The following FAM24B variants were observed in gnomAD, a reference collection of about 807,000 sequenced individuals.
FAM24B encodes family with sequence similarity 24 member B, also known as protein FAM24B.
Under a neutral mutation model 2.3 loss-of-function variants are expected in FAM24B, and 3 were observed. The ratio of observed to expected loss-of-function variants is 1.29; its 90% CI spans 0.59 to 3.32. FAM24B has a LOEUF of 3.32. Among genes scored for constraint, FAM24B ranks in the 30% most tolerant of loss-of-function variants. The pLI, the probability that FAM24B is intolerant of heterozygous loss-of-function variation, is 0.03. For synonymous variants in FAM24B, 36 were observed against 46.3 expected (o/e 0.78, Z 0.90); for missense variants, 98 against 117.2 (o/e 0.84, Z 0.76).
chr10:122,854,656 CTTAAGAGT>C (rs1399180877), intron 2 of FAM24B, among the ~76,000 whole-genome samples: 2 of 152,186 alleles, frequency 1.3e-5, no homozygotes, highest in Non-Finnish European at 2.9e-5. Flanking sequence ...GTGGTGACTG[CTTAAGAGT>C]ATTGAGAGGG....
intron 2 of FAM24B, chr10:122,855,234 T>G (rs999964786): frequency 4.6e-5 from 7 of 152,272 alleles, no homozygotes; most frequent in Admixed American, 1.3e-4. Flanking sequence ...AGTTTCTGTG[T>G]CTTTGTAAAA....
intron 2 of FAM24B, among the ~76,000 whole-genome samples, chr10:122,853,174 A>G (rs1847571679): frequency 6.6e-6 from 1 of 152,166 alleles, no homozygotes. Context: ...AGAATAAGAA[A>G]AAGTATCTCT....
chr10:122,851,379 A>C (rs1381504290), intron 2 of FAM24B, among the ~76,000 whole-genome samples: 2 of 152,268 alleles, frequency 1.3e-5, no homozygotes, highest in Non-Finnish European at 2.9e-5. Context: ...CCAAAGTTGA[A>C]GAGCTTGCTT....
rs1307398645 is a variant in FAM24B at position 122,849,106 on chromosome 10, G to A, written c.*141C>T. On this transcript the variant is annotated 3_prime_UTR_variant, in exon 4 of 4. Transcript: ENST00000368898. ...GCAGCAAAGAGGATTATTTTTAATAGTGTACATTTATTCAAAAGTATATAA... is the reference window on the plus strand; with the variant it reads ...GCAGCAAAGAGGATTATTTTTAATAATGTACATTTATTCAAAAGTATATAA... The A allele has an allele frequency of 7.6e-6, 4 of 526,942 alleles. No individual in the cohort carries two copies. The highest frequency in any genetic ancestry group is 5.9e-5 in the African/African-American group (3 of 50,742). The allele number at this position is 526,942 out of a possible 1,614,324, so 32.6% of individuals were successfully genotyped here.
chr10:122,864,205 C>A (rs948680173), intron 1 of FAM24B, among the ~76,000 whole-genome samples: 2 of 152,096 alleles, frequency 1.3e-5, no homozygotes, highest in African/African-American at 4.8e-5. Context: ...ACAAGAAAGC[C>A]AAATAGGAAT....
At chr10:122,876,064 A>G (rs1354972925) in intron 1 of FAM24B, among the ~76,000 whole-genome samples, 1 of 152,230 alleles carries the variant, frequency 6.6e-6, no homozygotes, top group Non-Finnish European at 1.5e-5. Context: ...ACCCAAAATC[A>G]AAGGTCCAAC....
rs112471712 is a variant in FAM24B at position 122,850,473 on chromosome 10, G to A, written c.43C>T (p.Leu15=). The A allele has an allele frequency of 9.4e-5, 152 of 1,614,062 alleles. 1 individual carries two copies. In the African/African-American group the frequency reaches 1.5e-3, roughly 16 times the overall value. The stretch of plus-strand genomic sequence containing the variant: ...TAAAGACAGAGCACGACAACTATCA[G>A]CAGGAGCAAGGCCGCCAGGATACCA... ...AGGILAALLL[L]IVVVLCLYFK... is the part of the protein sequence containing the mutation. The change falls in exon 3 of 4, where the codon CTG becomes TTG. Residue 15 remains leucine (L), a synonymous_variant. Transcript: ENST00000368898.
At chr10:122,856,125 C>A (rs571317523) in intron 1 of FAM24B, among the ~76,000 whole-genome samples, 2 of 152,284 alleles carry the variant, frequency 1.3e-5, no homozygotes, top group Admixed American at 1.3e-4. Flanking sequence ...AAAGAATGCC[C>A]CTGCTGAAGC....
At chr10:122,860,471 A>G (rs1371953838) in intron 1 of FAM24B, among the ~76,000 whole-genome samples, 1 of 152,246 alleles carries the variant, frequency 6.6e-6, no homozygotes, top group Non-Finnish European at 1.5e-5. Flanking sequence ...AAAAGCTGCT[A>G]TAATACATCC....
chr10:122,851,784 G>A (rs1847542398), intron 2 of FAM24B, among the ~76,000 whole-genome samples: 2 of 152,054 alleles, frequency 1.3e-5, no homozygotes, highest in South Asian at 4.1e-4. Context: ...CCCAGACATT[G>A]GCCCTACTAG....
intron 3 of FAM24B, among the ~76,000 whole-genome samples, chr10:122,849,751 G>A (rs1847495781): frequency 6.6e-6 from 1 of 151,634 alleles, no homozygotes; most frequent in South Asian, 2.1e-4. Flanking sequence ...TGTGTCCCAG[G>A]CTCCGGGATG....
rs769235090 is a variant in FAM24B, at chr10:122,850,531, G to C, written c.-16C>G. ...TGACAGGCATAATCACTGTATGGAG[G>C]TCAAAAGACTTCGATGTACCTAGGC... On this transcript the variant is annotated 5_prime_UTR_variant, in exon 3 of 4. Transcript: ENST00000368898. The C allele has an allele frequency of 6.3e-7, 1 of 1,588,324 alleles. No individual in the cohort carries two copies. The highest frequency in any genetic ancestry group is 1.3e-5 in the African/African-American group (1 of 74,392).
chr10:122,857,186 T>G (rs1422514951), intron 1 of FAM24B, among the ~76,000 whole-genome samples: 2 of 152,192 alleles, frequency 1.3e-5, no homozygotes, highest in Non-Finnish European at 2.9e-5. Flanking sequence ...TAAGGTCAGA[T>G]CTACCCAGAT....
At chr10:122,859,876 G>A (rs1244944342) in intron 1 of FAM24B, among the ~76,000 whole-genome samples, 1 of 152,066 alleles carries the variant, frequency 6.6e-6, no homozygotes, top group African/African-American at 2.4e-5. Context: ...ATATTGACTA[G>A]TCACTGGATG....
intron 1 of FAM24B, among the ~76,000 whole-genome samples, chr10:122,869,698 G>A (rs924650398): frequency 7.9e-5 from 12 of 152,072 alleles, no homozygotes; most frequent in South Asian, 2.1e-4. Flanking sequence ...GGTACATAAC[G>A]AAATGAAGGC....
At chr10:122,851,502 T>C (rs1231007173) in intron 2 of FAM24B, among the ~76,000 whole-genome samples, 1 of 152,234 alleles carries the variant, frequency 6.6e-6, no homozygotes, top group Non-Finnish European at 1.5e-5. Context: ...ACACCAGCTC[T>C]CTTTCATGGA....
chr10:122,850,309 G>T, intron 3 of FAM24B, 115 bp downstream of exon 3: 1 of 823,538 alleles, frequency 1.2e-6, no homozygotes. Flanking sequence ...GGCCACAGCA[G>T]CAAGGAATGA....
At chr10:122,876,979 T>C (rs1847984970) in intron 1 of FAM24B, among the ~76,000 whole-genome samples, 1 of 152,228 alleles carries the variant, frequency 6.6e-6, no homozygotes, top group Admixed American at 6.5e-5. Flanking sequence ...GATACATATA[T>C]GATTCTACTC....
Position 122,867,750 on chromosome 10 carries a change from C to A in FAM24B, c.-178+11735G>T, listed in dbSNP as rs1006295544. On this transcript the variant is annotated intron_variant, in intron 1 of 3. Coordinates refer to ENST00000368898, the MANE Select transcript of FAM24B (RefSeq NM_152644.3). ...AGGGTCCTGAGAGTTAGAAGGAAAA[C>A]TAACAAACAGAAAGGACATCCACAC... Among the ~76,000 whole-genome samples, 18 of 152,264 alleles carry A rather than the reference C, an allele frequency of 1.2e-4. No individual in the cohort carries two copies. In the South Asian group the frequency reaches 1.4e-3, roughly 12 times the overall value.
Sources: allele counts gnomAD v4.1 joint callset (sites outside exome capture counted in the v4.1 genomes callset), GRCh38; gene constraint gnomAD v4.1.1; transcripts MANE v1.5; gene names NCBI Gene and HGNC (gene_info 2026-07-23, HGNC 2026-07-21).